ERO1B: variants seen among roughly 807,000 people sequenced by gnomAD.
ERO1B encodes the protein endoplasmic reticulum oxidoreductase 1 beta, also known as ERO1-like protein beta.
ERO1B carries 49 observed loss-of-function variants against 75.3 expected under a neutral mutation model. That is an observed-to-expected ratio of 0.65 (90% CI 0.52 to 0.83). The LOEUF is 0.83. Ranked by LOEUF, ERO1B falls within the 40% of genes least tolerant of loss-of-function variation. The pLI is 0.00. For synonymous variants in ERO1B, 191 were observed against 192.9 expected (o/e 0.99, Z 0.08); for missense variants, 512 against 560.1 (o/e 0.91, Z 0.87).
intron 1 of ERO1B, among the ~76,000 whole-genome samples, chr1:236,278,413 C>T (rs527330333): frequency 6.6e-6 from 1 of 151,844 alleles, no homozygotes; most frequent in South Asian, 2.1e-4. Context: ...TAAGGGTAAA[C>T]GAGAAATGAA....
intron 6 of ERO1B, among the ~76,000 whole-genome samples, chr1:236,237,585 T>C (rs1257744955): frequency 6.6e-6 from 1 of 152,116 alleles, no homozygotes; most frequent in African/African-American, 2.4e-5. Flanking sequence ...GATGCTCAAG[T>C]GTTATATATG....
Position 236,235,786 on chromosome 1 carries a change from T to C in ERO1B, c.673+3A>G. The C allele has an allele frequency of 6.2e-7, 1 of 1,609,106 alleles. No homozygotes were observed. The highest frequency in any genetic ancestry group is 8.5e-7 in the Non-Finnish European group (1 of 1,178,340). ...CATGAAAATGTACATATGAAAAACCTACCTCGGCTAGGCGCCAGAGGATTT... is the reference window on the plus strand; with the variant it reads ...CATGAAAATGTACATATGAAAAACCCACCTCGGCTAGGCGCCAGAGGATTT... On this transcript the variant is annotated splice_donor_region_variant and intron_variant, in intron 8 of 15. Coordinates refer to ENST00000354619, the MANE Select transcript of ERO1B (RefSeq NM_019891.4).
In ERO1B at chr1:236,269,998, G is replaced by C. The variant is rs1257338666; in HGVS notation, c.103-4C>G. On this transcript the variant is annotated splice_polypyrimidine_tract_variant and splice_region_variant and intron_variant, in intron 1 of 15. Transcript: ENST00000354619. Reference sequence around the variant, plus strand: ...AATCATCCAGAACTCCAGTGACCTAGAATTTATATAATTTAAAATATGTAA... The same window carrying C: ...AATCATCCAGAACTCCAGTGACCTACAATTTATATAATTTAAAATATGTAA... 6.4e-7 allele frequency: 1 copy of C among 1,568,228 alleles called. No individual in the cohort carries two copies. The highest frequency in any genetic ancestry group is 8.7e-7 in the Non-Finnish European group (1 of 1,150,942).
At chr1:236,279,773 G>A (rs1665788671) in intron 1 of ERO1B, among the ~76,000 whole-genome samples, 1 of 151,032 alleles carries the variant, frequency 6.6e-6, no homozygotes, top group Admixed American at 6.6e-5. Flanking sequence ...TTGAACCTGT[G>A]AGGCAGAGGT....
At chr1:236,243,877 G>A (rs549278401) in intron 5 of ERO1B, among the ~76,000 whole-genome samples, 1 of 152,020 alleles carries the variant, frequency 6.6e-6, no homozygotes, top group Non-Finnish European at 1.5e-5. Context: ...TTTATTTTCA[G>A]AATTCTTTTA....
intron 1 of ERO1B, among the ~76,000 whole-genome samples, chr1:236,279,202 A>G (rs1209420035): frequency 2.0e-5 from 3 of 152,228 alleles, no homozygotes; most frequent in Non-Finnish European, 2.9e-5. Context: ...AGATTAAAGT[A>G]CTATCTAAAA....
intron 8 of ERO1B, among the ~76,000 whole-genome samples, chr1:236,234,448 T>C (rs1352681370): frequency 2.0e-5 from 3 of 152,240 alleles, no homozygotes; most frequent in African/African-American, 7.2e-5. Flanking sequence ...AGAAGAGCTT[T>C]CCCTTTTCAC....
At chr1:236,250,705 CAT>C (rs35945937) in intron 4 of ERO1B, among the ~76,000 whole-genome samples, 36,928 of 147,474 alleles carry the variant, frequency 0.25, 4,818 homozygotes, top group East Asian at 0.38. Context: ...TATACACACA[CAT>C]ATATATATAC....
intron 8 of ERO1B, among the ~76,000 whole-genome samples, chr1:236,233,085 G>A (rs1664453728): frequency 6.6e-6 from 1 of 151,866 alleles, no homozygotes; most frequent in South Asian, 2.1e-4. Flanking sequence ...CAAGGTGGGT[G>A]GATCACCTGA....
In ERO1B at chr1:236,216,533, G is replaced by T. The variant is rs1023686123; in HGVS notation, c.*1983C>A. ...AAAAATTAGTTAAGAACCTTAAAAA[G>T]AACTTTTTACTCTAACCAGATCTTT... is the stretch of plus-strand genomic sequence containing the variant. On this transcript the variant is annotated 3_prime_UTR_variant, in exon 16 of 16. Coordinates refer to ENST00000354619, the MANE Select transcript of ERO1B (RefSeq NM_019891.4). The T allele has an allele frequency of 3.3e-5, 5 of 151,876 alleles. No individual in the cohort carries two copies. Among genetic ancestry groups the T allele is most frequent in the Non-Finnish European group, 2.9e-5 (2 of 67,906 alleles). 9.4% of individuals were successfully genotyped at this position (151,876 alleles called of 1,614,324 possible).
intron 2 of ERO1B, among the ~76,000 whole-genome samples, chr1:236,264,839 G>A (rs1430527604): frequency 6.6e-6 from 1 of 151,666 alleles, no homozygotes; most frequent in Non-Finnish European, 1.5e-5. Context: ...AGGTGAGACT[G>A]TCTCCAAAAA....
intron 2 of ERO1B, among the ~76,000 whole-genome samples, chr1:236,258,210 C>T (rs906512192): frequency 6.2e-5 from 9 of 144,676 alleles, no homozygotes; most frequent in Middle Eastern, 3.8e-3. Flanking sequence ...AGGAGGAATC[C>T]GAAGAGACTC....
At chr1:236,221,190 TATC>T (rs1484849097) in intron 14 of ERO1B, among the ~76,000 whole-genome samples, 2 of 152,166 alleles carry the variant, frequency 1.3e-5, no homozygotes, top group Non-Finnish European at 2.9e-5. Flanking sequence ...ATTGAATACA[TATC>T]ATACTATTCC....
intron 2 of ERO1B, among the ~76,000 whole-genome samples, chr1:236,268,515 T>C (rs1368087464): frequency 6.6e-6 from 1 of 152,070 alleles, no homozygotes; most frequent in African/African-American, 2.4e-5. Context: ...ATAGATAGAT[T>C]GATCAATCGA....
At chr1:236,261,793 C>T (rs1254794758) in intron 2 of ERO1B, among the ~76,000 whole-genome samples, 1 of 152,030 alleles carries the variant, frequency 6.6e-6, no homozygotes, top group Non-Finnish European at 1.5e-5. Context: ...ACAATACGGC[C>T]AGACACAGCA....
chr1:236,251,481 G>C (rs1200284806), intron 4 of ERO1B: 4 of 980,792 alleles, frequency 4.1e-6, no homozygotes, highest in African/African-American at 1.8e-5. Context: ...ACGGGAGAGA[G>C]AGCAAGAAGA....
At chr1:236,224,315 G>A (rs1664225926) in intron 13 of ERO1B, among the ~76,000 whole-genome samples, 1 of 151,956 alleles carries the variant, frequency 6.6e-6, no homozygotes. Flanking sequence ...CTATGAAGTT[G>A]TACTCAAAGA....
chr1:236,220,794 T>C (rs746244693), intron 15 of ERO1B, 38 bp downstream of exon 15: 3 of 1,502,652 alleles, frequency 2.0e-6, no homozygotes, highest in African/African-American at 2.8e-5. Context: ...TGAAACCCAA[T>C]GGGAAATCAA....
intron 1 of ERO1B, 71 bp from the exon 2 acceptor site, chr1:236,270,065 A>G: frequency 9.1e-7 from 1 of 1,099,258 alleles, no homozygotes; most frequent in Non-Finnish European, 1.3e-6. Flanking sequence ...ACTATTATAT[A>G]AAAATGTAAT....
Sources: allele counts gnomAD v4.1 joint callset (sites outside exome capture counted in the v4.1 genomes callset), GRCh38; gene constraint gnomAD v4.1.1; transcripts MANE v1.5; gene names NCBI Gene and HGNC (gene_info 2026-07-23, HGNC 2026-07-21).